The following PRSS33 variants were observed in gnomAD, a reference collection of about 807,000 sequenced individuals.
The protein encoded by PRSS33 is serine protease 33.
In PRSS33, 32 loss-of-function variants were observed where a neutral mutation model predicts 26.7. The observed-to-expected ratio is 1.20, with a 90% CI of 0.90 to 1.61. PRSS33 has a LOEUF of 1.61. Among genes scored for constraint, PRSS33 ranks in the 40% most tolerant of loss-of-function variants. The probability of loss-of-function intolerance (pLI) is 0.00; values close to 1 mark genes in which losing one functional copy is unlikely to be tolerated. For missense variants in PRSS33, 450 were observed against 396.3 expected (o/e 1.14, Z -1.15); for synonymous variants, 192 against 177.6 (o/e 1.08, Z -0.64).
intron 1 of PRSS33, 37 bp from the exon 2 acceptor site, chr16:2,786,641 C>T: frequency 7.1e-7 from 1 of 1,404,808 alleles, no homozygotes; most frequent in South Asian, 1.2e-5. Flanking sequence ...GAGTCCTGGC[C>T]CAGGGGCACC....
At chr16:2,786,445 G>A in intron 2 of PRSS33, 57 bp downstream of exon 2, 1 of 1,602,880 alleles carries the variant, frequency 6.2e-7, no homozygotes. Context: ...AGTGAGATGG[G>A]AGAACTGGGA....
In PRSS33 at chr16:2,786,574, G is replaced by T; in HGVS notation, c.-27C>A. The T allele has an allele frequency of 6.2e-7, 1 of 1,612,698 alleles. No homozygotes were observed. Among genetic ancestry groups the T allele is most frequent in the South Asian group, 1.1e-5 (1 of 91,002 alleles). ...CTGTCTTCAAGGCTGGGCTGGGTAA[G>T]GGTGGCACTGCCTAGGGCTTGGACT... On this transcript the variant is annotated 5_prime_UTR_variant, in exon 2 of 7. Coordinates refer to ENST00000682474, the MANE Select transcript of PRSS33 (RefSeq NM_152891.3).
Position 2,785,885 on chromosome 16 carries a change from C to T in PRSS33, c.156G>A (p.Ala52=), listed in dbSNP as rs1023120043. The change falls in exon 4 of 7, where the codon GCG becomes GCA. Residue 52 remains alanine, a synonymous_variant. Transcript: ENST00000682474. ...CGTGTGCCCCACGATGCTGGATGCT[C>T]GCCTGCCACGGCCACTCTCCGTCCC... is the stretch of plus-strand genomic sequence containing the variant. ...DGRDGEWPWQ[A]SIQHRGAHVC... 6.2e-7 allele frequency: 1 copy of T among 1,610,240 alleles called. No homozygotes were observed. Among genetic ancestry groups the T allele is most frequent in the South Asian group, 1.1e-5 (1 of 90,824 alleles).
In PRSS33 at chr16:2,784,629, C is replaced by G. The variant is rs150588506; in HGVS notation, c.*15G>C. 1,724 of 1,569,516 alleles carry G rather than the reference C, an allele frequency of 1.1e-3. 18 individuals carry two copies. The African/African-American group carries it at 0.021, about 19-fold the overall frequency. The stretch of plus-strand genomic sequence containing the variant: ...ACCCCAGCAGCTGGCTCCAGGTCAG[C>G]CTCACCGGCTAGCATTAGAAGCTGA... On this transcript the variant is annotated 3_prime_UTR_variant, in exon 7 of 7. Transcript: ENST00000682474.
In PRSS33 at chr16:2,784,654, A is replaced by T. The variant is rs1183275198; in HGVS notation, c.833T>A (p.Val278Asp). 3 of 1,595,322 alleles carry T rather than the reference A, an allele frequency of 1.9e-6. No homozygotes were observed. The African/African-American group carries it at 4.0e-5, about 21-fold the overall frequency. The change falls in exon 7 of 7, where the codon GTC becomes GAC. Residue 278 changes from valine (V) to aspartate (D), a missense_variant. By Grantham distance (152) the Val-to-Asp change is radical. Transcript: ENST00000682474. ...ATYSPWIQAR[V>D]SF is the part of the protein sequence containing the mutation. ...CCTCACCGGCTAGCATTAGAAGCTG[A>T]CGCGAGCCTGAATCCAGGGGCTATA...
Position 2,786,610 on chromosome 16 carries a change from G to A in PRSS33, c.-57-6C>T, listed in dbSNP as rs907451570. ...CCTAGGGCTTGGACTCTGGTCTGGA[G>A]CCAGCAGGGAGAAGAGAGGAGAGTC... On this transcript the variant is annotated splice_region_variant and splice_polypyrimidine_tract_variant and intron_variant, in intron 1 of 6. Transcript: ENST00000682474. The A allele has an allele frequency of 1.9e-6, 3 of 1,591,272 alleles. No individual in the cohort carries two copies. The highest frequency in any genetic ancestry group is 1.3e-5 in the African/African-American group (1 of 74,314).
intron 2 of PRSS33, 101 bp from the exon 3 acceptor site, chr16:2,786,222 G>A: frequency 1.8e-6 from 2 of 1,109,148 alleles, no homozygotes; most frequent in Non-Finnish European, 2.8e-6. Context: ...AAACAATGTT[G>A]CCCTGACATT....
rs977392037 is a variant in PRSS33 at position 2,784,645 on chromosome 16, T to C, written c.842A>G (p.Ter281=). 6 of 1,589,470 alleles carry C rather than the reference T, an allele frequency of 3.8e-6. No homozygotes were observed. In the Admixed American group the frequency reaches 6.9e-5, roughly 18 times the overall value. Residue 281 remains the stop codon, a stop_retained_variant, in exon 7 of 7, where the codon TAA becomes TGA. Transcript: ENST00000682474. ...CCAGGTCAGCCTCACCGGCTAGCAT[T>C]AGAAGCTGACGCGAGCCTGAATCCA... ...SPWIQARVSF[*]
intron 5 of PRSS33, 67 bp from the exon 6 acceptor site, chr16:2,785,238 CTGAG>C (rs1255271114): frequency 2.7e-6 from 4 of 1,467,304 alleles, no homozygotes; most frequent in Non-Finnish European, 2.7e-6. Flanking sequence ...AAGCTGAGCT[CTGAG>C]TGAGAGGAGG....
Position 2,784,793 on chromosome 16 carries a change from C to A in PRSS33, c.694G>T (p.Gly232Trp), listed in dbSNP as rs1196036398. ...GACTGCAGGCAGGTCAGAGGTCCCC[C>A]AGAATCACCCTGCAGGAGAAAGAGG... ...GHKDACQGDS[G>W]GPLTCLQSGS... The change falls in exon 7 of 7, where the codon GGG becomes TGG. Residue 232 changes from glycine (G) to tryptophan (W), a missense_variant. Transcript: ENST00000682474. The A allele has an allele frequency of 3.7e-6, 6 of 1,606,688 alleles. No individual in the cohort carries two copies. The East Asian group carries it at 1.1e-4, about 30-fold the overall frequency.
intron 6 of PRSS33, 66 bp downstream of exon 6, chr16:2,784,936 G>T (rs1314090804): frequency 6.4e-7 from 1 of 1,557,472 alleles, no homozygotes. Flanking sequence ...GGGTCCTGGA[G>T]TTCAGGGAGG....
At chr16:2,786,823 G>A (rs2068878999) in intron 1 of PRSS33, 1 of 361,564 alleles carries the variant, frequency 2.8e-6, no homozygotes, top group Non-Finnish European at 5.1e-6. Flanking sequence ...CTCGACAGAA[G>A]CCCTGGAGCC....
rs2068863856 is a variant in PRSS33, at chr16:2,785,563, A to G, written c.326T>C (p.Val109Ala). ...GTCCGGGGGCAGCAGCACCCGTCGC[A>G]CGGGCACCGAGAGCGTGCGGGGCGA... ...STSPRTLSVP[V>A]RRVLLPPDYS... Residue 109 changes from valine to alanine, a missense_variant, in exon 5 of 7, where the codon GTG becomes GCG. Val to Ala is a moderately conservative substitution (Grantham distance 64). Coordinates refer to ENST00000682474, the MANE Select transcript of PRSS33 (RefSeq NM_152891.3). 6.5e-7 allele frequency: 1 copy of G among 1,527,204 alleles called. No individual in the cohort carries two copies. The highest frequency in any genetic ancestry group is 8.7e-7 in the Non-Finnish European group (1 of 1,144,092). 94.6% of individuals were successfully genotyped at this position (1,527,204 alleles called of 1,614,324 possible). A position where few individuals can be genotyped will look rare whatever the true frequency, so the allele number is the denominator to read the frequency against.
In PRSS33 at chr16:2,786,674, C is replaced by T. The variant is rs144418971; in HGVS notation, c.-57-70G>A. Reference sequence around the variant, plus strand: ...ACCAATCCTCACACCAGCCCGTCACCCCCTCCGTGGTCCTTCTGTCTGTCC... The same window carrying T: ...ACCAATCCTCACACCAGCCCGTCACTCCCTCCGTGGTCCTTCTGTCTGTCC... On this transcript the variant is annotated intron_variant, in intron 1 of 6. Coordinates refer to ENST00000682474, the MANE Select transcript of PRSS33 (RefSeq NM_152891.3). 3.3e-4 allele frequency: 350 copies of T among 1,048,090 alleles called. 1 individual carries two copies. In the African/African-American group the frequency reaches 5.2e-3, roughly 16 times the overall value. The allele number at this position is 1,048,090 out of a possible 1,614,324, so 64.9% of individuals were successfully genotyped here. A position where few individuals can be genotyped will look rare whatever the true frequency, so the allele number is the denominator to read the frequency against.
In PRSS33 at chr16:2,784,708, C is replaced by T. The variant is rs746208466; in HGVS notation, c.779G>A (p.Arg260His). Residue 260 changes from arginine to histidine, a missense_variant, in exon 7 of 7, where the codon CGT becomes CAT. Coordinates refer to ENST00000682474, the MANE Select transcript of PRSS33 (RefSeq NM_152891.3). ...GGCCACACTGGTGTAGACCCCTGGACGGTTGGGCAGGGCACAACCCTTGCC... is the reference window on the plus strand; with the variant it reads ...GGCCACACTGGTGTAGACCCCTGGATGGTTGGGCAGGGCACAACCCTTGCC... ...SWGKGCALPN[R>H]PGVYTSVATY... 5 of 1,606,810 alleles carry T rather than the reference C, an allele frequency of 3.1e-6. No homozygotes were observed. The highest frequency in any genetic ancestry group is 2.2e-5 in the South Asian group (2 of 89,694).
intron 3 of PRSS33, 31 bp from the exon 4 acceptor site, chr16:2,785,992 G>C: frequency 6.2e-7 from 1 of 1,613,092 alleles, no homozygotes; most frequent in Non-Finnish European, 8.5e-7. Context: ...GTGAGGGTTG[G>C]CTGAGGACCT....
chr16:2,787,658 G>A (rs557884510), upstream of PRSS33, among the ~76,000 whole-genome samples: 4 of 151,504 alleles, frequency 2.6e-5, no homozygotes, highest in Middle Eastern at 3.4e-3. Flanking sequence ...TGGCTTTACC[G>A]GACCAGCCTC....
In PRSS33 at chr16:2,784,531, T is replaced by A; in HGVS notation, c.*113A>T. 9.3e-7 allele frequency: 1 copy of A among 1,074,514 alleles called. No individual in the cohort carries two copies. The highest frequency in any genetic ancestry group is 2.7e-5 in the East Asian group (1 of 36,530). The allele number at this position is 1,074,514 out of a possible 1,614,324, so 66.6% of individuals were successfully genotyped here. A position where few individuals can be genotyped will look rare whatever the true frequency, so the allele number is the denominator to read the frequency against. On this transcript the variant is annotated 3_prime_UTR_variant, in exon 7 of 7. Transcript: ENST00000682474. ...GGGGTGGGGTGGCCTTTAGCTTTTT[T>A]AGGCATCTTGGCCTCGAGGCAGAAG... is the stretch of plus-strand genomic sequence containing the variant.
chr16:2,785,394 C>A lies in PRSS33; in HGVS notation c.495G>T (p.Trp165Cys). 7.0e-7 allele frequency: 1 copy of A among 1,432,304 alleles called. No homozygotes were observed. The highest frequency in any genetic ancestry group is 9.1e-7 in the Non-Finnish European group (1 of 1,103,844). 88.7% of individuals were successfully genotyped at this position (1,432,304 alleles called of 1,614,324 possible). Residue 165 changes from tryptophan to cysteine, a missense_variant, in exon 5 of 7, where the codon TGG (tryptophan) becomes TGT (cysteine). Physicochemically the swap from Trp to Cys is radical, Grantham distance 215 (BLOSUM62 -2). Coordinates refer to ENST00000682474, the MANE Select transcript of PRSS33 (RefSeq NM_152891.3). The stretch of plus-strand genomic sequence containing the variant: ...CCTTACCTCCTGGGCGGAGGCTGCC[C>A]CAGCCGGTGACCCGGCATGGTGTGC... ...PPGTPCRVTG[W>C]GSLRPGVPLP...
Sources: allele counts gnomAD v4.1 joint callset (sites outside exome capture counted in the v4.1 genomes callset), GRCh38; gene constraint gnomAD v4.1.1; transcripts MANE v1.5; gene names NCBI Gene and HGNC (gene_info 2026-07-23, HGNC 2026-07-21).